The following OTUD7A variants were observed in gnomAD, a reference collection of about 807,000 sequenced individuals.
The protein encoded by OTUD7A is OTU domain-containing protein 7A.
OTUD7A carries 12 observed loss-of-function variants against 65.7 expected under a neutral mutation model. The ratio of observed to expected loss-of-function variants is 0.18; its 90% confidence interval spans 0.12 to 0.30. OTUD7A has a LOEUF of 0.30. OTUD7A is among the 10% of genes least tolerant of loss of function. The pLI is 1.00. For missense variants in OTUD7A, 1,148 were observed against 1,304.8 expected, an observed-to-expected ratio of 0.88 and a Z score of 1.85; for synonymous variants, 641 against 586.3, an observed-to-expected ratio of 1.09 and a Z score of -1.35.
At chr15:31,853,373 G>C (rs946609703) in intron 1 of OTUD7A, among the ~76,000 whole-genome samples, 7 of 152,228 alleles carry the variant, frequency 4.6e-5, no homozygotes, top group Non-Finnish European at 8.8e-5. Context: ...GAAAGGGAGA[G>C]AGAAAACTAG....
At chr15:31,774,680 G>C (rs1160506537) in intron 1 of OTUD7A, among the ~76,000 whole-genome samples, 1 of 152,206 alleles carries the variant, frequency 6.6e-6, no homozygotes, top group Non-Finnish European at 1.5e-5. Flanking sequence ...GCCACATCCA[G>C]AGATTTTTCT....
chr15:31,684,090 C>A (rs1892782605), intron 1 of OTUD7A, among the ~76,000 whole-genome samples: 1 of 152,248 alleles, frequency 6.6e-6, no homozygotes, highest in South Asian at 2.1e-4. Flanking sequence ...GATTTTGCTA[C>A]TGGCCAAGGA....
Position 31,479,368 on chromosome 15 carries a change from G to T in OTUD7A, c.*3926C>A, listed in dbSNP as rs1226319382. 2 of 152,072 alleles carry T rather than the reference G, an allele frequency of 1.3e-5. No homozygotes were observed. Among genetic ancestry groups the T allele is most frequent in the Non-Finnish European group, 2.9e-5 (2 of 68,022 alleles). 9.4% of individuals were successfully genotyped at this position (152,072 alleles called of 1,614,324 possible). A position where few individuals can be genotyped will look rare whatever the true frequency, so the allele number is the denominator to read the frequency against. On this transcript the variant is annotated 3_prime_UTR_variant, in exon 13 of 13. Coordinates refer to ENST00000307050, the MANE Select transcript of OTUD7A (RefSeq NM_001382637.1). ...AAAGAAAAAGGACAGAACACTGGGG[G>T]TACTTAATTTTAAAGTCCACACCAA...
intron 3 of OTUD7A, among the ~76,000 whole-genome samples, chr15:31,575,686 T>C (rs1437058436): frequency 6.6e-6 from 1 of 152,116 alleles, no homozygotes; most frequent in African/African-American, 2.4e-5. Context: ...GCCAGGAGCA[T>C]CTCCCATCAA....
chr15:31,803,282 G>C (rs1239488393), intron 1 of OTUD7A, among the ~76,000 whole-genome samples: 2 of 152,076 alleles, frequency 1.3e-5, no homozygotes, highest in South Asian at 4.2e-4. Flanking sequence ...ACATCTTGCC[G>C]TATCAATCTA....
intron 3 of OTUD7A, among the ~76,000 whole-genome samples, chr15:31,619,133 T>C (rs927933906): frequency 1.2e-4 from 19 of 152,228 alleles, no homozygotes; most frequent in Non-Finnish European, 2.2e-4. Context: ...CATTGATCTA[T>C]ATCTCTGTTT....
chr15:31,616,090 A>G (rs1455578003), intron 3 of OTUD7A, among the ~76,000 whole-genome samples: 1 of 152,246 alleles, frequency 6.6e-6, no homozygotes, highest in Non-Finnish European at 1.5e-5. Context: ...GAAACCTCTT[A>G]GCTGCAGCGC....
At chr15:31,846,347 G>T (rs923744817) in intron 1 of OTUD7A, among the ~76,000 whole-genome samples, 2 of 152,142 alleles carry the variant, frequency 1.3e-5, no homozygotes, top group African/African-American at 2.4e-5. Flanking sequence ...GTGGAGGAAG[G>T]GTATGGGATT....
intron 1 of OTUD7A, among the ~76,000 whole-genome samples, chr15:31,667,554 T>C (rs58998733): frequency 0.18 from 27,793 of 152,152 alleles, 2,835 homozygotes; most frequent in East Asian, 0.25. Flanking sequence ...AGGCAGCAGA[T>C]AGTTCATTGG....
chr15:31,611,743 C>A (rs1890429543), intron 3 of OTUD7A, among the ~76,000 whole-genome samples: 1 of 152,152 alleles, frequency 6.6e-6, no homozygotes, highest in African/African-American at 2.4e-5. Flanking sequence ...GGTACCAATT[C>A]TTTTGACACT....
intron 1 of OTUD7A, among the ~76,000 whole-genome samples, chr15:31,674,119 C>G (rs1892544259): frequency 6.6e-6 from 1 of 152,152 alleles, no homozygotes; most frequent in Non-Finnish European, 1.5e-5. Context: ...AGGAACAGTT[C>G]TCTGTGCCTG....
chr15:31,533,237 T>TA (rs1317282258), intron 5 of OTUD7A, among the ~76,000 whole-genome samples: 2 of 146,706 alleles, frequency 1.4e-5, no homozygotes, highest in African/African-American at 5.2e-5. Context: ...AGGATAAATT[T>TA]TTTTTTTTTT....
At chr15:31,775,564 T>C (rs566313677) in intron 1 of OTUD7A, among the ~76,000 whole-genome samples, 2 of 152,342 alleles carry the variant, frequency 1.3e-5, no homozygotes, top group African/African-American at 2.4e-5. Context: ...GTGCAAAAGC[T>C]TGAAGATCAA....
chr15:31,859,161 G>A (rs980548746), intron 1 of OTUD7A, among the ~76,000 whole-genome samples: 1 of 152,102 alleles, frequency 6.6e-6, no homozygotes, highest in South Asian at 2.1e-4. Flanking sequence ...TCTTACTATT[G>A]TTTGTTTTAC....
Position 31,858,758 on chromosome 15 carries a change from G to A in OTUD7A, c.-100+11749C>T, listed in dbSNP as rs114173842. Among the ~76,000 whole-genome samples, 1,067 of 152,316 alleles carry A rather than the reference G, an allele frequency of 7.0e-3. 15 individuals carry two copies. The highest frequency in any genetic ancestry group is 0.025 in the African/African-American group (1,027 of 41,560). On this transcript the variant is annotated intron_variant, in intron 1 of 12. Transcript: ENST00000307050. ...CCCACCATTCACTGGGCTAGCCGCT[G>A]TGTTAGCCTCGGCAGAGTCAGCCTC...
rs945353396 is a variant in OTUD7A, at chr15:31,798,811, T to TG, written c.-100+71695dup. Among the ~76,000 whole-genome samples the TG allele has an allele frequency of 1.7e-3, 260 of 150,820 alleles. 4 individuals carry two copies. Among genetic ancestry groups the TG allele is most frequent in the Admixed American group, 7.8e-3 (118 of 15,120 alleles). The stretch of plus-strand genomic sequence containing the variant: ...AAGGAAGCCAGGGGGAGGCTCAGCT[T>TG]GGGGGGGGGCTCCTGTCATGGCTGA... On this transcript the variant is annotated intron_variant, in intron 1 of 12. Coordinates refer to ENST00000307050, the MANE Select transcript of OTUD7A (RefSeq NM_001382637.1).
At chr15:31,783,356 T>C (rs2140928647) in intron 1 of OTUD7A, among the ~76,000 whole-genome samples, 1 of 152,354 alleles carries the variant, frequency 6.6e-6, no homozygotes, top group East Asian at 1.9e-4. Context: ...AGGTCAAGAC[T>C]ATTTTCATGA....
At chr15:31,652,089 T>A (rs964119806) in intron 3 of OTUD7A, among the ~76,000 whole-genome samples, 18 of 151,658 alleles carry the variant, frequency 1.2e-4, no homozygotes, top group African/African-American at 3.9e-4. Flanking sequence ...TAAGACTCAT[T>A]ACAAAGCTAC....
chr15:31,770,659 A>G (rs1176992719), intron 1 of OTUD7A, among the ~76,000 whole-genome samples: 1 of 152,276 alleles, frequency 6.6e-6, no homozygotes, highest in Non-Finnish European at 1.5e-5. Flanking sequence ...AATGGTCTTA[A>G]CAAAATATGA....
Sources: allele counts gnomAD v4.1 joint callset (sites outside exome capture counted in the v4.1 genomes callset), GRCh38; gene constraint gnomAD v4.1.1; transcripts MANE v1.5; gene names NCBI Gene and HGNC (gene_info 2026-07-23, HGNC 2026-07-21).